ARRB1: variants seen among roughly 807,000 people sequenced by gnomAD.
ARRB1 encodes arrestin beta 1, also known as beta-arrestin-1.
A neutral mutation model predicts 56.8 loss-of-function variants in ARRB1; 21 were observed. The ratio of observed to expected loss-of-function variants is 0.37; its 90% CI spans 0.26 to 0.53. The LOEUF (loss-of-function observed/expected upper bound fraction) is 0.53. Ranked by LOEUF, ARRB1 falls within the 20% of genes least tolerant of loss-of-function variation. The probability of loss-of-function intolerance (pLI) is 0.88; values close to 1 mark genes in which losing one functional copy is unlikely to be tolerated. For synonymous variants in ARRB1, 210 were observed against 218.6 expected, an observed-to-expected ratio of 0.96 and a Z score of 0.35; for missense variants, 424 against 553.7, an observed-to-expected ratio of 0.77 and a Z score of 2.35.
chr11:75,322,146 C>T (rs1034135669), intron 1 of ARRB1, among the ~76,000 whole-genome samples: 1 of 152,200 alleles, frequency 6.6e-6, no homozygotes, highest in South Asian at 2.1e-4. Flanking sequence ...AAGTGACATC[C>T]GGGCTAAGAG....
chr11:75,296,273 A>C (rs1165243778), intron 1 of ARRB1, among the ~76,000 whole-genome samples: 2 of 152,106 alleles, frequency 1.3e-5, no homozygotes, highest in Non-Finnish European at 2.9e-5. Flanking sequence ...ATGTAAAATG[A>C]ATTTCATGCT....
At chr11:75,350,571 C>T (rs1186080259) in intron 1 of ARRB1, among the ~76,000 whole-genome samples, 1 of 152,214 alleles carries the variant, frequency 6.6e-6, no homozygotes, top group Non-Finnish European at 1.5e-5. Context: ...TGTCCTGCTC[C>T]AGCCCCCTCC....
intron 1 of ARRB1, among the ~76,000 whole-genome samples, chr11:75,290,498 C>T (rs570290063): frequency 1.3e-5 from 2 of 152,246 alleles, no homozygotes; most frequent in East Asian, 1.9e-4. Flanking sequence ...AGGCTCTCCC[C>T]GAGACATCTG....
chr11:75,287,256 T>G, intron 3 of ARRB1, 59 bp downstream of exon 3: 1 of 1,518,566 alleles, frequency 6.6e-7, no homozygotes, highest in Non-Finnish European at 8.9e-7. Context: ...GAGCTATTTC[T>G]GGGAGGCTTG....
chr11:75,343,616 TCAGGGAAGCCACC>T (rs1009069441), intron 1 of ARRB1, among the ~76,000 whole-genome samples: 2 of 152,104 alleles, frequency 1.3e-5, no homozygotes, highest in African/African-American at 4.8e-5. Flanking sequence ...GGTTAAGTAA[TCAGGGAAGCCACC>T]CAGCTGGTAA....
intron 1 of ARRB1, among the ~76,000 whole-genome samples, chr11:75,329,981 CA>C (rs1367920192): frequency 1.3e-5 from 2 of 151,528 alleles, no homozygotes; most frequent in African/African-American, 4.9e-5. Context: ...GCCTGAATGA[CA>C]AGACTGAGAC....
At chr11:75,267,724 CAG>C in intron 14 of ARRB1, 21 bp from the exon 15 acceptor site, 1 of 1,183,658 alleles carries the variant, frequency 8.4e-7, no homozygotes, top group Non-Finnish European at 1.2e-6. Flanking sequence ...GGTGGGTGGG[CAG>C]GGTGTCCAGG....
chr11:75,267,716 TG>T lies in ARRB1; in HGVS notation c.1094-14del. The T allele has an allele frequency of 1.5e-6, 1 of 686,484 alleles. No homozygotes were observed. Among genetic ancestry groups the T allele is most frequent in the Non-Finnish European group, 2.6e-6 (1 of 387,514 alleles). 42.5% of individuals were successfully genotyped at this position (686,484 alleles called of 1,614,324 possible). A position where few individuals can be genotyped will look rare whatever the true frequency, so the allele number is the denominator to read the frequency against. On this transcript the variant is annotated splice_polypyrimidine_tract_variant and intron_variant, in intron 14 of 15. Transcript: ENST00000420843. ...TCGTTCTCTGGAACTAAACACAGGG[TG>T]GGTGGGCAGGGTGTCCAGGGATTAG...
intron 1 of ARRB1, among the ~76,000 whole-genome samples, chr11:75,304,371 G>T (rs1464302214): frequency 6.6e-6 from 1 of 151,742 alleles, no homozygotes; most frequent in Admixed American, 6.6e-5. Flanking sequence ...CTGTGGTCAG[G>T]GACTCCATAC....
At chr11:75,285,522 T>C (rs1451468345) in intron 3 of ARRB1, among the ~76,000 whole-genome samples, 2 of 152,230 alleles carry the variant, frequency 1.3e-5, no homozygotes, top group Non-Finnish European at 1.5e-5. Flanking sequence ...GGATCATCAA[T>C]GTCCTGTTGG....
intron 1 of ARRB1, among the ~76,000 whole-genome samples, chr11:75,295,221 CAAAAAAAAAA>C (rs34666904): frequency 5.5e-5 from 4 of 73,064 alleles, no homozygotes; most frequent in Non-Finnish European, 2.5e-5. Flanking sequence ...AACCCTGTCT[CAAAAAAAAAA>C]AAAAAAAAAA....
Position 75,281,121 on chromosome 11 carries a change from C to G in ARRB1, c.436G>C (p.Val146Leu). Residue 146 changes from valine to leucine, a missense_variant, in exon 7 of 16, where the codon GTC (valine) becomes CTC (leucine). Around this residue, in one of 3 missense-constraint regions of ARRB1, gnomAD observed 301 missense variants for 387.9 expected, o/e 0.78. Transcript: ENST00000420843. ...AAATTCTCCGCGCAGAAGGCTTTGA[C>G]TTCATAGTCCACACCGCAAGCCTGT... The part of the protein sequence containing the change: ...TGKACGVDYE[V>L]KAFCAENLEE... 6.2e-7 allele frequency: 1 copy of G among 1,601,100 alleles called. No individual in the cohort carries two copies. Among genetic ancestry groups the G allele is most frequent in the Non-Finnish European group, 8.5e-7 (1 of 1,173,428 alleles).
intron 13 of ARRB1, chr11:75,271,479 C>A: frequency 2.0e-6 from 1 of 503,220 alleles, no homozygotes; most frequent in South Asian, 3.1e-5. Flanking sequence ...TGTAATCAGG[C>A]TTTGCTCTCT....
At chr11:75,300,801 C>CA (rs751963326) in intron 1 of ARRB1, among the ~76,000 whole-genome samples, 2 of 150,844 alleles carry the variant, frequency 1.3e-5, no homozygotes, top group African/African-American at 2.5e-5. Context: ...CCCGTCTCTA[C>CA]TAAAAAACAC....
At chr11:75,279,012 A>G (rs925685687) in intron 7 of ARRB1, among the ~76,000 whole-genome samples, 4 of 151,550 alleles carry the variant, frequency 2.6e-5, no homozygotes, top group Non-Finnish European at 5.9e-5. Context: ...TACATTTTTC[A>G]CCTCCTGCTT....
intron 3 of ARRB1, 105 bp downstream of exon 3, chr11:75,287,210 C>T: frequency 8.2e-7 from 1 of 1,213,096 alleles, no homozygotes. Flanking sequence ...AGCCATTCAC[C>T]CCCGTTCTTG....
chr11:75,273,861 C>G (rs1005989389), intron 11 of ARRB1, among the ~76,000 whole-genome samples: 2 of 152,188 alleles, frequency 1.3e-5, no homozygotes, highest in African/African-American at 4.8e-5. Context: ...GTGAGCTGGC[C>G]TAGTGGTCCA....
At chr11:75,325,660 A>T (rs1359168131) in intron 1 of ARRB1, among the ~76,000 whole-genome samples, 1 of 152,190 alleles carries the variant, frequency 6.6e-6, no homozygotes, top group Non-Finnish European at 1.5e-5. Flanking sequence ...AACAGGCATG[A>T]CACTTTAAGC....
At chr11:75,340,055 C>T (rs117857233) in intron 1 of ARRB1, among the ~76,000 whole-genome samples, 2,112 of 152,334 alleles carry the variant, frequency 0.014, 22 homozygotes, top group Middle Eastern at 0.075. Context: ...AGAGACACAC[C>T]ACTGGGACAG....
Sources: gnomAD v4.1 joint callset for allele counts (sites outside exome capture counted in the v4.1 genomes callset) on GRCh38, gnomAD v4.1.1 for gene constraint, gnomAD v4.1.1 regional missense constraint, MANE v1.5 for transcripts, NCBI Gene and HGNC (gene_info 2026-07-23, HGNC 2026-07-21) for gene names.